Variants in UCK1 observed in about 807,000 individuals in gnomAD.
The protein encoded by UCK1 is cytidine monophosphokinase 1.
UCK1 carries 20 observed loss-of-function variants against 34.0 expected under a neutral mutation model. That is an observed-to-expected ratio of 0.59 (90% CI 0.41 to 0.86). The LOEUF (loss-of-function observed/expected upper bound fraction) is 0.86. Ranked by LOEUF, UCK1 falls within the 40% of genes least tolerant of loss-of-function variation. The pLI, the probability that UCK1 is intolerant of heterozygous loss-of-function variation, is 0.00. For synonymous variants in UCK1, 168 were observed against 155.9 expected, an observed-to-expected ratio of 1.08 and a Z score of -0.58; for missense variants, 343 against 383.6, an observed-to-expected ratio of 0.89 and a Z score of 0.88.
In UCK1 at chr9:131,525,944, C is replaced by G; in HGVS notation, c.637G>C (p.Gly213Arg). Residue 213 changes from glycine to arginine, a missense_variant, in exon 6 of 7, where the codon GGA (glycine) becomes CGA (arginine). Coordinates refer to ENST00000372215, the MANE Select transcript of UCK1 (RefSeq NM_031432.5). Reference protein sequence around the residue: ...KKYADVIIPRGVDNMVAINLI... With the variant: ...KKYADVIIPRRVDNMVAINLI... ...AGCTTCTTACCCATATTGTCCACTC[C>G]TCGCGGGATGATCACATCGGCATAC... The G allele has an allele frequency of 1.9e-6, 3 of 1,614,110 alleles. No individual in the cohort carries two copies. Among genetic ancestry groups the G allele is most frequent in the Non-Finnish European group, 2.5e-6 (3 of 1,179,996 alleles).
rs1950790387 is a variant in UCK1, at chr9:131,530,476, C to A, written c.268+10G>T. Reference sequence around the variant, plus strand: ...TCTGCCCTCCCCACATCGTTGGGCTCGCGATTTACCTGGATGGTCAAAATT... The same window carrying A: ...TCTGCCCTCCCCACATCGTTGGGCTAGCGATTTACCTGGATGGTCAAAATT... On this transcript the variant is annotated intron_variant, in intron 2 of 6. Coordinates refer to ENST00000372215, the MANE Select transcript of UCK1 (RefSeq NM_031432.5). 1 of 1,613,364 alleles carries A rather than the reference C, an allele frequency of 6.2e-7. No individual in the cohort carries two copies. The highest frequency in any genetic ancestry group is 1.3e-5 in the African/African-American group (1 of 74,946).
rs574123471 is a variant in UCK1, at chr9:131,524,207, TAGAC to T, written c.*829_*832del. 8 of 152,528 alleles carry T rather than the reference TAGAC, an allele frequency of 5.2e-5. No individual in the cohort carries two copies. In the East Asian group the frequency reaches 9.6e-4, roughly 18 times the overall value. The allele number at this position is 152,528 out of a possible 1,614,324, so 9.4% of individuals were successfully genotyped here. A position where few individuals can be genotyped will look rare whatever the true frequency, so the allele number is the denominator to read the frequency against. ...CCACCCTGGGGTGGGACAGCCTGTC[TAGAC>T]AGACAGCACCTTGGGGGCTCCCCTG... is the stretch of plus-strand genomic sequence containing the variant. On this transcript the variant is annotated 3_prime_UTR_variant, in exon 7 of 7. Coordinates refer to ENST00000372215, the MANE Select transcript of UCK1 (RefSeq NM_031432.5).
Position 131,525,035 on chromosome 9 carries a change from G to A in UCK1, c.*5C>T. 6.2e-7 allele frequency: 1 copy of A among 1,604,150 alleles called. No homozygotes were observed. Among genetic ancestry groups the A allele is most frequent in the East Asian group, 2.2e-5 (1 of 44,616 alleles). ...GGGAGACCTGCCCTGAGGCTCGGCA[G>A]CCCCTCAGTGGGGTCTGCTGCTGGA... is the stretch of plus-strand genomic sequence containing the variant. On this transcript the variant is annotated 3_prime_UTR_variant, in exon 7 of 7. Coordinates refer to ENST00000372215, the MANE Select transcript of UCK1 (RefSeq NM_031432.5).
In UCK1 at chr9:131,529,371, G is replaced by T; in HGVS notation, c.366-101C>A. On this transcript the variant is annotated intron_variant, in intron 3 of 6. Transcript: ENST00000372215. ...GCAGGGACACTGACTGTGGGAAGGG[G>T]TGGGGGACCCACAGAAACCAACCGG... 3.1e-6 allele frequency: 5 copies of T among 1,601,170 alleles called. No individual in the cohort carries two copies. The Admixed American group carries it at 8.4e-5, about 27-fold the overall frequency.
At chr9:131,529,425 T>C in intron 3 of UCK1, 63 bp downstream of exon 3, 1 of 1,609,884 alleles carries the variant, frequency 6.2e-7, no homozygotes, top group Non-Finnish European at 8.5e-7. Context: ...CAGGTCTGTG[T>C]GAGCCCGAGG....
At chr9:131,526,310 C>A in intron 5 of UCK1, 2 of 901,416 alleles carry the variant, frequency 2.2e-6, no homozygotes, top group Non-Finnish European at 3.2e-6. Context: ...CTGGGCCAAG[C>A]TAAGTGTGGC....
At chr9:131,530,425 CTGGT>C in intron 2 of UCK1, 57 bp downstream of exon 2, 1 of 1,597,912 alleles carries the variant, frequency 6.3e-7, no homozygotes, top group Non-Finnish European at 8.6e-7. Context: ...CCAAGCGCAG[CTGGT>C]TAGCGGCCGC....
At chr9:131,528,686 G>C in intron 5 of UCK1, 2 of 544,676 alleles carry the variant, frequency 3.7e-6, no homozygotes, top group South Asian at 4.2e-5. Context: ...CGCTGGGCAA[G>C]GGCCTGAGGC....
chr9:131,529,059 C>T (rs370591704), intron 4 of UCK1, 21 bp from the exon 5 acceptor site: 48 of 1,613,642 alleles, frequency 3.0e-5, no homozygotes, highest in Non-Finnish European at 3.8e-5. Context: ...AAGGGGCAGG[C>T]GTGCTTCAGA....
chr9:131,525,301 A>G, intron 6 of UCK1, 80 bp from the exon 7 acceptor site: 1 of 1,578,616 alleles, frequency 6.3e-7, no homozygotes, highest in Non-Finnish European at 8.6e-7. Flanking sequence ...GCACTCGGCC[A>G]GGAGTGAGCG....
Position 131,524,795 on chromosome 9 carries a change from C to A in UCK1, c.*245G>T. Reference sequence around the variant, plus strand: ...ACATTCTGTGGCATTTCTCAGTGACCTAGAGGGATCTTTAAACCGCAACGA... The same window carrying A: ...ACATTCTGTGGCATTTCTCAGTGACATAGAGGGATCTTTAAACCGCAACGA... On this transcript the variant is annotated 3_prime_UTR_variant, in exon 7 of 7. Transcript: ENST00000372215. The A allele has an allele frequency of 2.0e-6, 1 of 496,064 alleles. No individual in the cohort carries two copies. The highest frequency in any genetic ancestry group is 3.6e-6 in the Non-Finnish European group (1 of 279,558). The allele number at this position is 496,064 out of a possible 1,614,324, so 30.7% of individuals were successfully genotyped here.
chr9:131,526,150 A>G, intron 5 of UCK1, 173 bp from the exon 6 acceptor site: 1 of 784,768 alleles, frequency 1.3e-6, no homozygotes, highest in South Asian at 1.6e-5. Context: ...GTGAGAGGCC[A>G]TGATCCAAGA....
In UCK1 at chr9:131,531,254, G is replaced by T. The variant is rs1266684672; in HGVS notation, c.-80C>A. 1.7e-6 allele frequency: 2 copies of T among 1,211,782 alleles called. No homozygotes were observed. Among genetic ancestry groups the T allele is most frequent in the African/African-American group, 1.7e-5 (1 of 58,720 alleles). 75.1% of individuals were successfully genotyped at this position (1,211,782 alleles called of 1,614,324 possible). A position where few individuals can be genotyped will look rare whatever the true frequency, so the allele number is the denominator to read the frequency against. ...GGCGCGCCCGCCCAGCGCCGAGGTC[G>T]GAGGCAACCGGAGCGATCACTTCCG... On this transcript the variant is annotated 5_prime_UTR_variant, in exon 1 of 7. Transcript: ENST00000372215.
Position 131,530,733 on chromosome 9 carries a change from C to G in UCK1, c.109-88G>C, listed in dbSNP as rs751444967. Reference sequence around the variant, plus strand: ...GCTTCTGGAGACACTGACCCACCCGCCCCCTGGGGGGTATGCTCGGAAGGC... The same window carrying G: ...GCTTCTGGAGACACTGACCCACCCGGCCCCTGGGGGGTATGCTCGGAAGGC... On this transcript the variant is annotated intron_variant, in intron 1 of 6. Coordinates refer to ENST00000372215, the MANE Select transcript of UCK1 (RefSeq NM_031432.5). 3.6e-5 allele frequency: 58 copies of G among 1,611,848 alleles called. 2 individuals are homozygous for G. The South Asian group carries it at 6.3e-4, about 17-fold the overall frequency.
rs1003818865 is a variant in UCK1 at position 131,525,807 on chromosome 9, G to A, written c.652+122C>T. The A allele has an allele frequency of 5.1e-5, 53 of 1,039,430 alleles. No individual in the cohort carries two copies. The East Asian group carries it at 9.2e-4, about 18-fold the overall frequency. The allele number at this position is 1,039,430 out of a possible 1,614,324, so 64.4% of individuals were successfully genotyped here. On this transcript the variant is annotated intron_variant, in intron 6 of 6. Coordinates refer to ENST00000372215, the MANE Select transcript of UCK1 (RefSeq NM_031432.5). ...TTTAAGCATATTTTAACCCTGTGCC[G>A]CAGATCAACACTGGCAGGCCGCGTG...
rs551698955 is a variant in UCK1 at position 131,529,155 on chromosome 9, C to T, written c.481G>A (p.Asp161Asn). ...CTTCGAGACAGCCTGACGTCGGAGTCGGTGTCCACGAAGAGGCGCAGGTGG... is the reference window on the plus strand; with the variant it reads ...CTTCGAGACAGCCTGACGTCGGAGTTGGTGTCCACGAAGAGGCGCAGGTGG... ...MFHLRLFVDT[D>N]SDVRLSRRVL... Residue 161 changes from aspartate (D) to asparagine (N), a missense_variant, in exon 4 of 7, where the codon GAC (aspartate) becomes AAC (asparagine). Physicochemically the swap from Asp to Asn is conservative, Grantham distance 23. Transcript: ENST00000372215. 6.2e-6 allele frequency: 10 copies of T among 1,613,922 alleles called. No homozygotes were observed. The highest frequency in any genetic ancestry group is 1.1e-5 in the South Asian group (1 of 91,074).
Position 131,529,166 on chromosome 9 carries a change from A to G in UCK1, c.470T>C (p.Phe157Ser). 1 of 1,613,998 alleles carries G rather than the reference A, an allele frequency of 6.2e-7. No homozygotes were observed. The highest frequency in any genetic ancestry group is 8.5e-7 in the Non-Finnish European group (1 of 1,179,954). ...EIRDMFHLRL[F>S]VDTDSDVRLS... is the part of the protein sequence containing the mutation. ...CCTGACGTCGGAGTCGGTGTCCACG[A>G]AGAGGCGCAGGTGGAACATGTCCCG... The change falls in exon 4 of 7, where the codon TTC becomes TCC. Residue 157 changes from phenylalanine (F) to serine (S), a missense_variant. Transcript: ENST00000372215.
chr9:131,524,751 A>C lies in UCK1; in HGVS notation c.*289T>G. On this transcript the variant is annotated 3_prime_UTR_variant, in exon 7 of 7. Transcript: ENST00000372215. Reference sequence around the variant, plus strand: ...TAATGTGCCTCACATTCCTCACAGAAGCCTCCCAGGCTTCCTGCACATTCT... The same window carrying C: ...TAATGTGCCTCACATTCCTCACAGACGCCTCCCAGGCTTCCTGCACATTCT... 1 of 347,366 alleles carries C rather than the reference A, an allele frequency of 2.9e-6. No homozygotes were observed. Among genetic ancestry groups the C allele is most frequent in the Non-Finnish European group, 5.3e-6 (1 of 190,310 alleles). 21.5% of individuals were successfully genotyped at this position (347,366 alleles called of 1,614,324 possible).
Position 131,525,057 on chromosome 9 carries a change from T to C in UCK1, c.817A>G (p.Ser273Gly), listed in dbSNP as rs765178171. 23 of 1,611,798 alleles carry C rather than the reference T, an allele frequency of 1.4e-5. No homozygotes were observed. Among genetic ancestry groups the C allele is most frequent in the Admixed American group, 6.7e-5 (4 of 59,942 alleles). Reference sequence around the variant, plus strand: ...GCAGCCCCTCAGTGGGGTCTGCTGCTGGACTCCAAATGTGACCGTTTGCCA... The same window carrying C: ...GCAGCCCCTCAGTGGGGTCTGCTGCCGGACTCCAAATGTGACCGTTTGCCA... ...TSGKRSHLES[S>G]SRPH The change falls in exon 7 of 7, where the codon AGC becomes GGC. Residue 273 changes from serine (S) to glycine (G), a missense_variant. Transcript: ENST00000372215.
Sources: allele counts gnomAD v4.1 joint callset, GRCh38; gene constraint gnomAD v4.1.1; transcripts MANE v1.5; gene names NCBI Gene and HGNC (gene_info 2026-07-23, HGNC 2026-07-21).